The following POU2F1 variants were observed in gnomAD, a reference collection of about 807,000 sequenced individuals.
The protein encoded by POU2F1 is POU class 2 homeobox 1.
Under a neutral mutation model 84.9 loss-of-function variants are expected in POU2F1, and 16 were observed. The observed-to-expected ratio is 0.19, with a 90% CI of 0.13 to 0.29. POU2F1 has a LOEUF of 0.29. Ranked by LOEUF, POU2F1 falls within the 10% of genes least tolerant of loss-of-function variation. The pLI is 1.00. For missense variants in POU2F1, 738 were observed against 942.6 expected, an observed-to-expected ratio of 0.78 and a Z score of 2.84; for synonymous variants, 368 against 368.3, an observed-to-expected ratio of 1.00 and a Z score of 0.01.
intron 1 of POU2F1, among the ~76,000 whole-genome samples, chr1:167,251,135 A>G (rs972434121): frequency 2.6e-5 from 4 of 152,214 alleles, no homozygotes; most frequent in Non-Finnish European, 4.4e-5. Flanking sequence ...GTGGTGGCTC[A>G]TGCCTGTAAT....
At chr1:167,285,435 AC>A (rs1653455803) in intron 1 of POU2F1, among the ~76,000 whole-genome samples, 1 of 152,154 alleles carries the variant, frequency 6.6e-6, no homozygotes, top group Admixed American at 6.5e-5. Context: ...TACTGAAAAT[AC>A]AAAAAATTAG....
chr1:167,316,249 A>G (rs1052484879), intron 1 of POU2F1, among the ~76,000 whole-genome samples: 2 of 152,260 alleles, frequency 1.3e-5, no homozygotes, highest in African/African-American at 4.8e-5. Flanking sequence ...ATAATGGTGT[A>G]GTTACATAAG....
intron 2 of POU2F1, among the ~76,000 whole-genome samples, chr1:167,348,845 GA>G (rs1658373699): frequency 6.6e-6 from 1 of 152,140 alleles, no homozygotes; most frequent in African/African-American, 2.4e-5. Flanking sequence ...ACCTTTCTAA[GA>G]GCAAGTAAGT....
At chr1:167,376,822 A>T (rs1660360888) in intron 7 of POU2F1, among the ~76,000 whole-genome samples, 1 of 152,122 alleles carries the variant, frequency 6.6e-6, no homozygotes, top group African/African-American at 2.4e-5. Flanking sequence ...TTTGTCATGA[A>T]ATAATTATTC....
At chr1:167,273,726 C>T (rs1186108616) in intron 1 of POU2F1, among the ~76,000 whole-genome samples, 3 of 152,194 alleles carry the variant, frequency 2.0e-5, no homozygotes, top group African/African-American at 4.8e-5. Flanking sequence ...TGGGAGCTCT[C>T]ATAGGCTTCT....
chr1:167,321,753 T>C (rs1423244290), intron 1 of POU2F1, among the ~76,000 whole-genome samples: 1 of 152,198 alleles, frequency 6.6e-6, no homozygotes, highest in Non-Finnish European at 1.5e-5. Flanking sequence ...GAACTTTGTC[T>C]TTCTACTTGA....
chr1:167,389,674 C>G lies in POU2F1; in HGVS notation c.900C>G (p.Pro300=), dbSNP rs148052368. The G allele has an allele frequency of 1.3e-4, 213 of 1,614,196 alleles. No individual in the cohort carries two copies. In the East Asian group the frequency reaches 3.6e-3, roughly 27 times the overall value. Residue 300 remains proline, a synonymous_variant, in exon 9 of 16, where the codon CCC becomes CCG. Coordinates refer to ENST00000367866, the MANE Select transcript of POU2F1 (RefSeq NM_002697.4). ...CAACACCAAAGCGAATTGATACTCC[C>G]AGCTTGGAGGAGCCCAGTGACCTTG... ...SQSTPKRIDT[P]SLEEPSDLEE...
intron 1 of POU2F1, among the ~76,000 whole-genome samples, chr1:167,327,772 G>T (rs1367661209): frequency 6.6e-6 from 1 of 152,088 alleles, no homozygotes; most frequent in Admixed American, 6.6e-5. Context: ...TAATGCATAG[G>T]AATAGCCAAG....
At chr1:167,362,233 G>T (rs1183029091) in intron 2 of POU2F1, among the ~76,000 whole-genome samples, 1 of 152,158 alleles carries the variant, frequency 6.6e-6, no homozygotes, top group Admixed American at 6.5e-5. Context: ...AGTAAAAGAG[G>T]TTAACCTACC....
In POU2F1 at chr1:167,334,900, C is replaced by T. The variant is rs192201163; in HGVS notation, c.127+2365C>T. Among the ~76,000 whole-genome samples the T allele has an allele frequency of 3.9e-5, 6 of 152,228 alleles. No individual in the cohort carries two copies. In the East Asian group the frequency reaches 9.6e-4, roughly 24 times the overall value. On this transcript the variant is annotated intron_variant, in intron 2 of 15. Transcript: ENST00000367866. ...TAACATTATAGTAAAACTGAAGCCT[C>T]ACAATTTCTGGATTCAGAATATGTT...
chr1:167,353,586 G>T (rs902190775), intron 2 of POU2F1, among the ~76,000 whole-genome samples: 1 of 151,790 alleles, frequency 6.6e-6, no homozygotes, highest in African/African-American at 2.4e-5. Flanking sequence ...TCATCCTCAC[G>T]CTGTCCCGCC....
chr1:167,322,697 A>G (rs1656407537), intron 1 of POU2F1, among the ~76,000 whole-genome samples: 1 of 152,230 alleles, frequency 6.6e-6, no homozygotes, highest in South Asian at 2.1e-4. Context: ...CAGAGTGGGA[A>G]TCAGGGCTGA....
chr1:167,263,425 C>A (rs1178196341), intron 1 of POU2F1, among the ~76,000 whole-genome samples: 2 of 151,320 alleles, frequency 1.3e-5, no homozygotes, highest in African/African-American at 4.9e-5. Context: ...GGGGTTGAGA[C>A]AGAATTGCTT....
chr1:167,247,127 G>A (rs1016608746), intron 1 of POU2F1, among the ~76,000 whole-genome samples: 2 of 151,748 alleles, frequency 1.3e-5, no homozygotes, highest in African/African-American at 4.8e-5. Flanking sequence ...CCAGGATGAA[G>A]TGCAGAGGTG....
chr1:167,261,282 C>T (rs149352985), intron 1 of POU2F1, among the ~76,000 whole-genome samples: 26 of 152,226 alleles, frequency 1.7e-4, no homozygotes, highest in African/African-American at 5.5e-4. Context: ...CCCCTCTCCC[C>T]TGCCACTCAT....
At chr1:167,408,412 T>C (rs1201869633) in intron 13 of POU2F1, among the ~76,000 whole-genome samples, 2 of 152,180 alleles carry the variant, frequency 1.3e-5, no homozygotes, top group East Asian at 3.8e-4. Flanking sequence ...ATGTGAATGT[T>C]TATATAGCAG....
At chr1:167,320,091 C>G (rs1339890942) in intron 1 of POU2F1, among the ~76,000 whole-genome samples, 1 of 150,328 alleles carries the variant, frequency 6.7e-6, no homozygotes, top group Non-Finnish European at 1.5e-5. Context: ...AGGGTGCATT[C>G]TACTCCTAAC....
rs564688802 is a variant in POU2F1 at position 167,227,416 on chromosome 1, C to CAATA, written c.61+6459_61+6462dup. ...TAAACAGGAATGGCTGGAAAATGAA[C>CAATA]AATATGCTGTGTGTTAAACGACTCA... is the stretch of plus-strand genomic sequence containing the variant. On this transcript the variant is annotated intron_variant, in intron 1 of 15. Coordinates refer to ENST00000367866, the MANE Select transcript of POU2F1 (RefSeq NM_002697.4). Among the ~76,000 whole-genome samples the CAATA allele has an allele frequency of 6.6e-5, 10 of 152,074 alleles. No homozygotes were observed. In the South Asian group the frequency reaches 2.1e-3, roughly 32 times the overall value.
chr1:167,281,027 A>G (rs182788274), intron 1 of POU2F1, among the ~76,000 whole-genome samples: 58 of 152,346 alleles, frequency 3.8e-4, no homozygotes, highest in African/African-American at 1.3e-3. Context: ...AAAGCTAAGT[A>G]TCTTAAATGC....
Sources: gnomAD v4.1 joint callset for allele counts (sites outside exome capture counted in the v4.1 genomes callset) on GRCh38, gnomAD v4.1.1 for gene constraint, MANE v1.5 for transcripts, NCBI Gene and HGNC (gene_info 2026-07-23, HGNC 2026-07-21) for gene names.